The following GRID2 variants were observed in gnomAD, a reference collection of about 807,000 sequenced individuals.
GRID2 encodes glutamate receptor ionotropic, delta-2.
A neutral mutation model predicts 114.8 loss-of-function variants in GRID2; 33 were observed. The observed-to-expected ratio is 0.29, with a 90% CI of 0.22 to 0.38. The LOEUF is 0.38. Ranked by LOEUF, GRID2 falls within the 10% of genes least tolerant of loss-of-function variation. The pLI, the probability that GRID2 is intolerant of heterozygous loss-of-function variation, is 1.00. For synonymous variants in GRID2, 505 were observed against 449.9 expected (o/e 1.12, Z -1.55); for missense variants, 1,184 against 1,257.7 (o/e 0.94, Z 0.89).
At chr4:92,525,662 T>TAA (rs1188261940) in intron 1 of GRID2, among the ~76,000 whole-genome samples, 3 of 152,066 alleles carry the variant, frequency 2.0e-5, no homozygotes, top group Admixed American at 6.6e-5. Flanking sequence ...GGAATGAGAA[T>TAA]AAAGAACCAT....
chr4:92,689,023 A>G (rs1734055570), intron 2 of GRID2, among the ~76,000 whole-genome samples: 1 of 152,198 alleles, frequency 6.6e-6, no homozygotes. Flanking sequence ...ACGTCTCTAT[A>G]AGAGTTCTAG....
chr4:93,187,840 G>A (rs934813242), intron 4 of GRID2, among the ~76,000 whole-genome samples: 3 of 152,210 alleles, frequency 2.0e-5, no homozygotes, highest in Admixed American at 2.0e-4. Context: ...AGTCCAAAAT[G>A]TAATGTTGCA....
chr4:92,935,418 C>T (rs1267381719), intron 2 of GRID2, among the ~76,000 whole-genome samples: 1 of 146,506 alleles, frequency 6.8e-6, no homozygotes, highest in Non-Finnish European at 1.5e-5. Flanking sequence ...GAAATAGGAA[C>T]ACTTTTACAC....
chr4:93,162,366 A>C (rs1737769823), intron 4 of GRID2, among the ~76,000 whole-genome samples: 1 of 151,964 alleles, frequency 6.6e-6, no homozygotes, highest in Non-Finnish European at 1.5e-5. Context: ...GTGACATAGA[A>C]GCTCCTTTAA....
intron 3 of GRID2, among the ~76,000 whole-genome samples, chr4:93,101,735 A>C (rs1731727351): frequency 6.6e-6 from 1 of 152,134 alleles, no homozygotes; most frequent in Non-Finnish European, 1.5e-5. Flanking sequence ...ATGAATCATT[A>C]AGCTTCAATC....
chr4:93,058,595 C>T (rs539874596), intron 2 of GRID2, among the ~76,000 whole-genome samples: 1 of 151,920 alleles, frequency 6.6e-6, no homozygotes, highest in African/African-American at 2.4e-5. Context: ...GCCGTTATTG[C>T]TTAAATCACT....
At chr4:92,778,511 A>AT (rs1738913423) in intron 2 of GRID2, among the ~76,000 whole-genome samples, 1 of 152,058 alleles carries the variant, frequency 6.6e-6, no homozygotes, top group Non-Finnish European at 1.5e-5. Context: ...AGAAATGCAT[A>AT]TTTTTGACAA....
intron 2 of GRID2, among the ~76,000 whole-genome samples, chr4:93,079,845 C>A (rs1183230966): frequency 6.6e-6 from 1 of 152,058 alleles, no homozygotes; most frequent in Non-Finnish European, 1.5e-5. Flanking sequence ...CAACTGAGTT[C>A]ATTTGATGGC....
intron 2 of GRID2, among the ~76,000 whole-genome samples, chr4:92,953,497 A>G (rs1752172780): frequency 6.6e-6 from 1 of 152,158 alleles, no homozygotes; most frequent in Admixed American, 6.5e-5. Context: ...CTGTGTCACA[A>G]TCAATTTGGG....
At chr4:92,828,352 GAATTAGTA>G (rs1453213592) in intron 2 of GRID2, among the ~76,000 whole-genome samples, 1 of 152,042 alleles carries the variant, frequency 6.6e-6, no homozygotes, top group Admixed American at 6.6e-5. Flanking sequence ...ACCTTTGATA[GAATTAGTA>G]AATTAATAGT....
At chr4:93,076,910 G>T (rs566240676) in intron 2 of GRID2, among the ~76,000 whole-genome samples, 9 of 152,102 alleles carry the variant, frequency 5.9e-5, no homozygotes, top group Middle Eastern at 3.4e-3. Context: ...TCTGTTTCAG[G>T]ATTTTTGCCT....
chr4:92,331,287 A>G (rs1273775133), intron 1 of GRID2, among the ~76,000 whole-genome samples: 2 of 152,232 alleles, frequency 1.3e-5, no homozygotes, highest in Non-Finnish European at 2.9e-5. Context: ...TGCTAACCAC[A>G]AAAAGTGCCA....
At chr4:92,752,228 T>G (rs1737488269) in intron 2 of GRID2, among the ~76,000 whole-genome samples, 1 of 152,176 alleles carries the variant, frequency 6.6e-6, no homozygotes, top group Non-Finnish European at 1.5e-5. Context: ...AGTCAAGCCT[T>G]ATAGCTTTCC....
intron 1 of GRID2, among the ~76,000 whole-genome samples, chr4:92,511,791 T>G (rs1724263632): frequency 6.6e-6 from 1 of 151,820 alleles, no homozygotes; most frequent in Admixed American, 6.6e-5. Context: ...GGAAAAGATG[T>G]TTGGTTTTAA....
chr4:92,881,456 G>A (rs925523926), intron 2 of GRID2, among the ~76,000 whole-genome samples: 1 of 152,150 alleles, frequency 6.6e-6, no homozygotes, highest in Non-Finnish European at 1.5e-5. Context: ...GTGGCCATGT[G>A]AGAATTAGTG....
intron 4 of GRID2, among the ~76,000 whole-genome samples, chr4:93,174,164 T>C (rs1403606696): frequency 6.6e-6 from 1 of 152,192 alleles, no homozygotes; most frequent in Non-Finnish European, 1.5e-5. Context: ...TTTAACTCAA[T>C]GCAGTGTTAT....
At chr4:92,912,086 T>G (rs1415330285) in intron 2 of GRID2, among the ~76,000 whole-genome samples, 1 of 151,880 alleles carries the variant, frequency 6.6e-6, no homozygotes, top group African/African-American at 2.4e-5. Context: ...GTCATGTACT[T>G]TACTATATTA....
intron 1 of GRID2, among the ~76,000 whole-genome samples, chr4:92,519,046 C>G (rs1159765939): frequency 6.6e-6 from 1 of 151,758 alleles, no homozygotes; most frequent in African/African-American, 2.4e-5. Flanking sequence ...TGAAGACAAA[C>G]TATGATAGTA....
chr4:92,827,765 G>A (rs1340230173), intron 2 of GRID2, among the ~76,000 whole-genome samples: 2 of 152,006 alleles, frequency 1.3e-5, no homozygotes, highest in African/African-American at 2.4e-5. Flanking sequence ...ATGGATATAA[G>A]CACTTTCCTT....
Sources: allele counts gnomAD v4.1 joint callset (sites outside exome capture counted in the v4.1 genomes callset), GRCh38; gene constraint gnomAD v4.1.1; transcripts MANE v1.5; gene names NCBI Gene and HGNC (gene_info 2026-07-23, HGNC 2026-07-21).